The following PTP4A3 variants were observed in gnomAD, a reference collection of about 807,000 sequenced individuals.
The protein encoded by PTP4A3 is protein tyrosine phosphatase type IVA 3.
In PTP4A3, 9 loss-of-function variants were observed where a neutral mutation model predicts 15.2. That is an observed-to-expected ratio of 0.59 (90% CI 0.36 to 1.03). The LOEUF is 1.03. Among genes scored for constraint, PTP4A3 ranks in the 50% least tolerant of loss-of-function variants. PTP4A3 has a pLI of 0.02. For missense variants in PTP4A3, 234 were observed against 252.1 expected (o/e 0.93, Z 0.49); for synonymous variants, 95 against 102.0 (o/e 0.93, Z 0.41).
chr8:141,427,062 C>G lies in PTP4A3; in HGVS notation c.322C>G (p.Leu108Val). 1 of 1,598,586 alleles carries G rather than the reference C, an allele frequency of 6.3e-7. No homozygotes were observed. The highest frequency in any genetic ancestry group is 8.5e-7 in the Non-Finnish European group (1 of 1,179,440). Residue 108 changes from leucine to valine, a missense_variant, in exon 4 of 6, where the codon CTG becomes GTG. By Grantham distance (32) the Leu-to-Val change is conservative (BLOSUM62 1). Coordinates refer to ENST00000521578, the MANE Select transcript of PTP4A3 (RefSeq NM_032611.3). ...CGTGGCTGTGCACTGCGTGGCGGGCCTGGGCCGGTGAGTGTCGGGGCGGGG... is the reference window on the plus strand; with the variant it reads ...CGTGGCTGTGCACTGCGTGGCGGGCGTGGGCCGGTGAGTGTCGGGGCGGGG... Reference protein sequence around the residue: ...SCVAVHCVAGLGRAPVLVALA... With the variant: ...SCVAVHCVAGVGRAPVLVALA...
chr8:141,422,439 C>T, intron 2 of PTP4A3, 94 bp downstream of exon 2: 1 of 1,368,150 alleles, frequency 7.3e-7, no homozygotes, highest in Non-Finnish European at 1.0e-6. Context: ...GGTCCCCAGC[C>T]CCGGCTGGCC....
chr8:141,413,185 G>C lies in PTP4A3; in HGVS notation c.-853-8203G>C, dbSNP rs564984014. On this transcript the variant is annotated intron_variant, in intron 1 of 5. Transcript: ENST00000521578. ...CAGGGAGGCCCTGAACTCTCCGGGA[G>C]GCCAGATCAGGGGCCTCCTCTGGGC... Among the ~76,000 whole-genome samples the C allele has an allele frequency of 5.3e-5, 8 of 152,344 alleles. No individual in the cohort carries two copies. The South Asian group carries it at 1.7e-3, about 32-fold the overall frequency.
chr8:141,422,699 C>T (rs527900131), intron 2 of PTP4A3, among the ~76,000 whole-genome samples: 21 of 152,272 alleles, frequency 1.4e-4, no homozygotes, highest in African/African-American at 4.3e-4. Flanking sequence ...GGGGCCCTCC[C>T]GAGCCCTTTG....
chr8:141,428,724 C>T (rs1833701530), intron 5 of PTP4A3, among the ~76,000 whole-genome samples: 2 of 152,220 alleles, frequency 1.3e-5, no homozygotes, highest in Admixed American at 6.5e-5. Flanking sequence ...TGCACGCTCA[C>T]ACACAGACAC....
At chr8:141,430,788 G>C in intron 5 of PTP4A3, 139 bp from the exon 6 acceptor site, 1 of 739,230 alleles carries the variant, frequency 1.4e-6, no homozygotes, top group Non-Finnish European at 2.3e-6. Flanking sequence ...CCGTGCCAAG[G>C]CCCTGGGACA....
Position 141,406,075 on chromosome 8 carries a change from G to A in PTP4A3, c.-854+13991G>A, listed in dbSNP as rs1197738990. Among the ~76,000 whole-genome samples the A allele has an allele frequency of 6.6e-6, 1 of 152,122 alleles. No individual in the cohort carries two copies. The highest frequency in any genetic ancestry group is 2.4e-5 in the African/African-American group (1 of 41,406). ...GCGGGCACCACTGGAGGCTTTGAGC[G>A]GAGGGGGCTATGATCTGACTTAGGT... On this transcript the variant is annotated intron_variant, in intron 1 of 5. Coordinates refer to ENST00000521578, the MANE Select transcript of PTP4A3 (RefSeq NM_032611.3). The surrounding 1 kb of genome is among the most constrained non-coding windows in gnomAD (Gnocchi z 4.5).
chr8:141,408,812 A>G (rs1832795759), intron 1 of PTP4A3, among the ~76,000 whole-genome samples: 1 of 152,188 alleles, frequency 6.6e-6, no homozygotes, highest in African/African-American at 2.4e-5. Flanking sequence ...CTGCTGGGGA[A>G]CAGAGGGATG....
chr8:141,420,799 G>C (rs2130131844), intron 1 of PTP4A3, among the ~76,000 whole-genome samples: 1 of 152,356 alleles, frequency 6.6e-6, no homozygotes, highest in South Asian at 2.1e-4. Context: ...AAAGCAAGAG[G>C]CGATTAGGGT....
rs1833362680 is a variant in PTP4A3, at chr8:141,422,182, T to TC, written c.-58dup. ...TGGGGGTGTGTGGGGACTTCTCAGG[T>TC]CGTGTCCCCAGCCTTCTCTGCAGTC... is the stretch of plus-strand genomic sequence containing the variant. On this transcript the variant is annotated 5_prime_UTR_variant, in exon 2 of 6. Coordinates refer to ENST00000521578, the MANE Select transcript of PTP4A3 (RefSeq NM_032611.3). 1 of 1,536,728 alleles carries TC rather than the reference T, an allele frequency of 6.5e-7. No homozygotes were observed. The highest frequency in any genetic ancestry group is 1.1e-5 in the South Asian group (1 of 89,134).
intron 1 of PTP4A3, among the ~76,000 whole-genome samples, chr8:141,400,236 G>A (rs1055903180): frequency 5.3e-5 from 8 of 151,440 alleles, no homozygotes; most frequent in South Asian, 2.1e-4. Context: ...CCACCTCTGC[G>A]CCTGGCCCGC....
At position 141,429,659 on chromosome 8, in the gene PTP4A3, A is replaced by G. The variant is rs1227319271; in HGVS notation, c.405-1268A>G. On this transcript the variant is annotated intron_variant, in intron 5 of 5. Transcript: ENST00000521578. Reference sequence around the variant, plus strand: ...CAGGTGGCGGGGACAGGGTGAGCACACAGTCCAGTCCCCGCTGTAAGGACC... The same window carrying G: ...CAGGTGGCGGGGACAGGGTGAGCACGCAGTCCAGTCCCCGCTGTAAGGACC... 0.038 allele frequency among the ~76,000 whole-genome samples: 5 copies of G among 130 alleles called. 2 individuals carry two copies. In the East Asian group the frequency reaches 0.62, roughly 16 times the overall value. The allele number at this position is 130 out of a possible 152,430, so 0.1% of individuals were successfully genotyped here.
At chr8:141,427,877 C>CGAT in intron 5 of PTP4A3, 53 bp downstream of exon 5, 1 of 1,483,366 alleles carries the variant, frequency 6.7e-7, no homozygotes, top group Non-Finnish European at 9.1e-7. Context: ...AGGGGAGATC[C>CGAT]GGCTGCCCAC....
chr8:141,429,860 G>A (rs113723533), intron 5 of PTP4A3, among the ~76,000 whole-genome samples: 2 of 2,670 alleles, frequency 7.5e-4, no homozygotes, highest in Admixed American at 5.9e-3. Flanking sequence ...CAGGGTGAGC[G>A]CACAGTCCGG....
chr8:141,423,290 C>A lies in PTP4A3; in HGVS notation c.105+945C>A, dbSNP rs1211636761. On this transcript the variant is annotated intron_variant, in intron 2 of 5. Transcript: ENST00000521578. ...CTACAGAAGATGGCTGTCCCTCTCG[C>A]AGCTGAGACCCCTGAGATAACAGCA... is the stretch of plus-strand genomic sequence containing the variant. Among the ~76,000 whole-genome samples the A allele has an allele frequency of 2.6e-5, 4 of 152,232 alleles. No homozygotes were observed. In the East Asian group the frequency reaches 7.7e-4, roughly 29 times the overall value.
chr8:141,407,223 C>T (rs1832753244), intron 1 of PTP4A3, among the ~76,000 whole-genome samples: 1 of 152,254 alleles, frequency 6.6e-6, no homozygotes, highest in Non-Finnish European at 1.5e-5. Context: ...CTCCCCACCT[C>T]CAGTCCCTCT....
chr8:141,407,676 C>T (rs1210324900), intron 1 of PTP4A3, among the ~76,000 whole-genome samples: 4 of 151,110 alleles, frequency 2.6e-5, no homozygotes, highest in Non-Finnish European at 5.9e-5. Flanking sequence ...AAGTGATTCT[C>T]CTGCTTCAGC....
intron 1 of PTP4A3, among the ~76,000 whole-genome samples, chr8:141,417,416 A>AGG (rs1209955658): frequency 6.6e-6 from 1 of 151,952 alleles, no homozygotes; most frequent in Non-Finnish European, 1.5e-5. Flanking sequence ...TGGGCTGGGC[A>AGG]GGGGGTCTGA....
intron 1 of PTP4A3, among the ~76,000 whole-genome samples, chr8:141,400,786 C>T (rs1201332587): frequency 6.6e-6 from 1 of 152,186 alleles, no homozygotes; most frequent in African/African-American, 2.4e-5. Context: ...CACACTGGCC[C>T]CGTGGGGATG....
chr8:141,405,398 C>T (rs1163741158), intron 1 of PTP4A3, among the ~76,000 whole-genome samples: 5 of 152,232 alleles, frequency 3.3e-5, no homozygotes, highest in South Asian at 4.1e-4. Flanking sequence ...TCCCTGAGGT[C>T]GGAGCCAGTT....
Sources: gnomAD v4.1 joint callset for allele counts (sites outside exome capture counted in the v4.1 genomes callset) on GRCh38, gnomAD v4.1.1 for gene constraint, Gnocchi (gnomAD v3.1) non-coding constraint, MANE v1.5 for transcripts, NCBI Gene and HGNC (gene_info 2026-07-23, HGNC 2026-07-21) for gene names.